The following ARID1B variants were observed in gnomAD, a reference collection of about 807,000 sequenced individuals.
The protein encoded by ARID1B is AT-rich interaction domain 1B.
In ARID1B, 30 loss-of-function variants were observed where a neutral mutation model predicts 212.3. That is an observed-to-expected ratio of 0.14 (90% confidence interval 0.11 to 0.19). ARID1B has a LOEUF of 0.19. Among genes scored for constraint, ARID1B ranks in the 10% least tolerant of loss-of-function variants. ARID1B has a pLI of 1.00. For synonymous variants in ARID1B, 1,402 were observed against 1,301.7 expected (o/e 1.08, Z -1.66); for missense variants, 2,891 against 3,204.0 (o/e 0.90, Z 2.36).
At chr6:156,968,962 G>C (rs1185827472) in intron 4 of ARID1B, among the ~76,000 whole-genome samples, 1 of 152,222 alleles carries the variant, frequency 6.6e-6, no homozygotes, top group African/African-American at 2.4e-5. Flanking sequence ...TGGAGCCCAG[G>C]TGGAGAGGTG....
chr6:156,815,653 G>C (rs1206175895), intron 1 of ARID1B, among the ~76,000 whole-genome samples: 1 of 152,180 alleles, frequency 6.6e-6, no homozygotes, highest in Admixed American at 6.5e-5. Context: ...GAGAGGCCCA[G>C]TGATTAAAAT....
intron 5 of ARID1B, 112 bp from the exon 6 acceptor site, chr6:157,110,360 C>G: frequency 1.2e-6 from 1 of 853,576 alleles, no homozygotes; most frequent in East Asian, 2.6e-5. Flanking sequence ...TTTAATGGGG[C>G]TATACCTTTT....
At chr6:156,935,443 T>C in intron 3 of ARID1B, 23 bp from the exon 4 acceptor site, 1 of 1,562,330 alleles carries the variant, frequency 6.4e-7, no homozygotes, top group Non-Finnish European at 8.8e-7. Flanking sequence ...TATGAAGTGC[T>C]TTGTGTTTGT....
rs748129248 is a variant in ARID1B, at chr6:157,084,821, G to A, written c.2407G>A (p.Gly803Arg). 6.2e-7 allele frequency: 1 copy of A among 1,614,032 alleles called. No homozygotes were observed. Among genetic ancestry groups the A allele is most frequent in the Non-Finnish European group, 8.5e-7 (1 of 1,179,974 alleles). ...HASPHLSSIPGGPSPSPVGSP... is the reference protein window; with the variant it reads ...HASPHLSSIPRGPSPSPVGSP... ...GTCCCCTCATCTCTCCAGCATCCCG[G>A]GGGGCCCATCTCCCTCTCCTGTTGG... is the stretch of plus-strand genomic sequence containing the variant. Residue 803 changes from glycine (G) to arginine (R), a missense_variant, in exon 5 of 20, where the codon GGG becomes AGG. Around this residue, in one of 7 missense-constraint regions of ARID1B, gnomAD observed 1,643 missense variants for 1,544.0 expected, o/e 1.06. Transcript: ENST00000636930.
chr6:157,012,703 T>TC (rs1328417748), intron 4 of ARID1B, among the ~76,000 whole-genome samples: 2 of 152,218 alleles, frequency 1.3e-5, no homozygotes, highest in Non-Finnish European at 2.9e-5. Flanking sequence ...CTATTTGGCT[T>TC]CCGTTTTCCT....
At chr6:156,806,214 C>G (rs1781143001) in intron 1 of ARID1B, among the ~76,000 whole-genome samples, 1 of 152,168 alleles carries the variant, frequency 6.6e-6, no homozygotes, top group Non-Finnish European at 1.5e-5. Flanking sequence ...AAGTGATAAA[C>G]TCACGTTCAG....
At chr6:157,027,647 A>G (rs1780744663) in intron 4 of ARID1B, among the ~76,000 whole-genome samples, 1 of 152,228 alleles carries the variant, frequency 6.6e-6, no homozygotes, top group East Asian at 1.9e-4. Flanking sequence ...CTAAAAATGT[A>G]TTTGTTTTTA....
chr6:156,869,618 C>G (rs542463884), intron 2 of ARID1B, among the ~76,000 whole-genome samples: 3 of 152,162 alleles, frequency 2.0e-5, no homozygotes, highest in Non-Finnish European at 4.4e-5. Context: ...TTTATTTTAT[C>G]ATGCTTTTCT....
chr6:156,778,957 C>CGG lies in ARID1B; in HGVS notation c.1277_1278insGG (p.Ala428ArgfsTer25). The CGG allele has an allele frequency of 7.8e-7, 1 of 1,284,434 alleles. No individual in the cohort carries two copies. The highest frequency in any genetic ancestry group is 9.8e-7 in the Non-Finnish European group (1 of 1,025,076). 79.6% of individuals were successfully genotyped at this position (1,284,434 alleles called of 1,614,324 possible). On this transcript the variant is annotated frameshift_variant, in exon 1 of 20. Transcript: ENST00000636930. LOFTEE classifies it high-confidence loss of function. ...GGAGCGGGAGCTGTGGCGGCGGCGGCCGCGGCGGCGGCGGCAGCAGCAGGA... is the reference window on the plus strand; with the variant it reads ...GGAGCGGGAGCTGTGGCGGCGGCGGCGGCGCGGCGGCGGCGGCAGCAGCAGGA...
At chr6:157,032,824 C>T (rs1781095601) in intron 4 of ARID1B, among the ~76,000 whole-genome samples, 1 of 152,130 alleles carries the variant, frequency 6.6e-6, no homozygotes, top group Non-Finnish European at 1.5e-5. Flanking sequence ...GACTCACCCC[C>T]ACCTTTTTTA....
At chr6:157,137,663 G>C (rs1789032075) in intron 7 of ARID1B, among the ~76,000 whole-genome samples, 1 of 152,162 alleles carries the variant, frequency 6.6e-6, no homozygotes, top group Non-Finnish European at 1.5e-5. Context: ...TGAGTAAGTA[G>C]AGTTACCTTG....
intron 4 of ARID1B, among the ~76,000 whole-genome samples, chr6:157,049,137 C>T (rs1451303477): frequency 2.0e-5 from 3 of 146,888 alleles, no homozygotes; most frequent in African/African-American, 5.1e-5. Flanking sequence ...CATGCCACTG[C>T]ACTTCAGCCT....
Position 156,955,679 on chromosome 6 carries a change from A to G in ARID1B, c.2247+20103A>G, listed in dbSNP as rs1793912413. Among the ~76,000 whole-genome samples, 1 of 152,200 alleles carries G rather than the reference A, an allele frequency of 6.6e-6. No homozygotes were observed. Among genetic ancestry groups the G allele is most frequent in the African/African-American group, 2.4e-5 (1 of 41,448 alleles). ...AGCTCCTTCCCTGTGTCCAGGAGGA[A>G]CAGCCAAGATAAACATCAAGAAAAG... On this transcript the variant is annotated intron_variant, in intron 4 of 19. Coordinates refer to ENST00000636930, the MANE Select transcript of ARID1B (RefSeq NM_001374828.1). The surrounding 1 kb of genome is among the most constrained non-coding windows in gnomAD (Gnocchi z 4.2).
intron 5 of ARID1B, among the ~76,000 whole-genome samples, chr6:157,086,133 G>A (rs774526123): frequency 6.6e-6 from 1 of 152,162 alleles, no homozygotes; most frequent in African/African-American, 2.4e-5. Context: ...GTAGGATAGC[G>A]GCATAAGCCA....
intron 1 of ARID1B, among the ~76,000 whole-genome samples, chr6:156,787,377 A>G (rs991670956): frequency 6.6e-6 from 1 of 152,184 alleles, no homozygotes; most frequent in African/African-American, 2.4e-5. Flanking sequence ...TGATTAGTGG[A>G]GGCAGTTCCA....
chr6:157,115,075 G>A (rs563692186), intron 6 of ARID1B, among the ~76,000 whole-genome samples: 2 of 152,290 alleles, frequency 1.3e-5, no homozygotes, highest in South Asian at 4.2e-4. Flanking sequence ...TTTCCTGACA[G>A]CAGTCCTTTG....
intron 13 of ARID1B, among the ~76,000 whole-genome samples, chr6:157,187,172 G>A (rs1173331322): frequency 1.3e-5 from 2 of 152,262 alleles, no homozygotes; most frequent in South Asian, 4.2e-4. Context: ...TCCAATGAGC[G>A]CTGTAGGAAG....
chr6:156,908,260 C>A (rs916200066), intron 3 of ARID1B, among the ~76,000 whole-genome samples: 1 of 152,060 alleles, frequency 6.6e-6, no homozygotes, highest in Admixed American at 6.6e-5. Context: ...TTAAAAATTT[C>A]TTCTTGTGTG....
chr6:156,916,188 T>A (rs1236054428), intron 3 of ARID1B, among the ~76,000 whole-genome samples: 1 of 152,166 alleles, frequency 6.6e-6, no homozygotes, highest in East Asian at 1.9e-4. Context: ...AGTTGGACAT[T>A]GGTAATTTTT....
Sources: allele counts gnomAD v4.1 joint callset (sites outside exome capture counted in the v4.1 genomes callset), GRCh38; gene constraint gnomAD v4.1.1; regional missense constraint gnomAD v4.1.1; non-coding constraint Gnocchi (gnomAD v3.1); transcripts MANE v1.5; gene names NCBI Gene and HGNC (gene_info 2026-07-23, HGNC 2026-07-21).